The following SETX variants were observed in gnomAD, a reference collection of about 807,000 sequenced individuals.
The protein encoded by SETX is helicase senataxin.
Under a neutral mutation model 227.2 loss-of-function variants are expected in SETX, and 90 were observed. The observed-to-expected ratio is 0.40, with a 90% CI of 0.33 to 0.47. The LOEUF (loss-of-function observed/expected upper bound fraction) is 0.47, where lower values mean the gene tolerates loss of function less well. Among genes scored for constraint, SETX ranks in the 20% least tolerant of loss-of-function variants. The pLI, the probability that SETX is intolerant of heterozygous loss-of-function variation, is 0.91. For synonymous variants in SETX, 1,210 were observed against 1,113.2 expected, an observed-to-expected ratio of 1.09 and a Z score of -1.73; for missense variants, 3,052 against 3,181.5, an observed-to-expected ratio of 0.96 and a Z score of 0.98.
chr9:132,281,588 AG>A lies in SETX; in HGVS notation c.6547-15del, dbSNP rs780495472. ...AGACTGTCCAGCCTTGGTAAGATAC[AG>A]AAGAGAGAGGCAGTCTTAACAATCT... On this transcript the variant is annotated splice_polypyrimidine_tract_variant and intron_variant, in intron 19 of 25. Transcript: ENST00000224140. The A allele has an allele frequency of 3.4e-5, 52 of 1,545,882 alleles. 1 individual carries two copies. In the South Asian group the frequency reaches 5.1e-4, roughly 15 times the overall value.
chr9:132,349,998 G>C (rs779463528), intron 2 of SETX, among the ~76,000 whole-genome samples: 1 of 152,096 alleles, frequency 6.6e-6, no homozygotes, highest in African/African-American at 2.4e-5. Flanking sequence ...TCACAGGAGA[G>C]GCAGTTTTTA....
At position 132,331,429 on chromosome 9, in the gene SETX, G is replaced by A; in HGVS notation, c.858C>T (p.Phe286=). ...CCATAAAACAGTGTAACGCTGGCCA[G>A]AAAGGATCCACACTATCATCTGAAA... ...READDDSVDP[F]WPALHCFMVI... The change falls in exon 8 of 26, where the codon TTC becomes TTT. Residue 286 remains phenylalanine, a synonymous_variant. Transcript: ENST00000224140. 6.2e-7 allele frequency: 1 copy of A among 1,613,812 alleles called. No individual in the cohort carries two copies. Among genetic ancestry groups the A allele is most frequent in the Non-Finnish European group, 8.5e-7 (1 of 1,179,930 alleles).
chr9:132,343,860 G>A (rs1243896204), intron 4 of SETX, among the ~76,000 whole-genome samples: 1 of 151,994 alleles, frequency 6.6e-6, no homozygotes, highest in Non-Finnish European at 1.5e-5. Flanking sequence ...TGAATTTATT[G>A]GTTTAGACAA....
At chr9:132,301,955 CT>C (rs563539438) in intron 11 of SETX, among the ~76,000 whole-genome samples, 108 of 152,306 alleles carry the variant, frequency 7.1e-4, no homozygotes, top group African/African-American at 2.5e-3. Context: ...TGAAGACAGC[CT>C]GAACAAATGA....
intron 4 of SETX, among the ~76,000 whole-genome samples, chr9:132,344,148 T>C (rs1349342398): frequency 2.0e-5 from 3 of 152,214 alleles, no homozygotes; most frequent in Admixed American, 2.0e-4. Context: ...GTATTTTTGA[T>C]TCCACTTTGG....
chr9:132,304,421 G>C (rs1036561506), intron 11 of SETX, among the ~76,000 whole-genome samples: 1 of 151,912 alleles, frequency 6.6e-6, no homozygotes, highest in African/African-American at 2.4e-5. Flanking sequence ...TTGCAGAAAA[G>C]GGTGTCACTG....
chr9:132,302,660 CAAAA>C (rs35647306), intron 11 of SETX, among the ~76,000 whole-genome samples: 2 of 33,306 alleles, frequency 6.0e-5, no homozygotes, highest in African/African-American at 8.6e-5. Context: ...GACTTTGTCT[CAAAA>C]AAAAAAAAAA....
chr9:132,302,683 A>AAAAAAAAAAAAAAAAAAAAAAC (rs1845081955), intron 11 of SETX, among the ~76,000 whole-genome samples: 1 of 76,640 alleles, frequency 1.3e-5, no homozygotes, highest in African/African-American at 1.4e-4. Flanking sequence ...AAAAAAAGCA[A>AAAAAAAAAAAAAAAAAAAAAAC]AAAAAAAAAA....
Position 132,264,059 on chromosome 9 carries a change from T to A in SETX, c.*180A>T. ...GATACACAATGCCCTCTGAAAGCTT[T>A]TGCAAATGACAGAAAATACTGAAGA... On this transcript the variant is annotated 3_prime_UTR_variant, in exon 26 of 26. Transcript: ENST00000224140. 1.3e-6 allele frequency: 1 copy of A among 794,104 alleles called. No homozygotes were observed. Among genetic ancestry groups the A allele is most frequent in the Non-Finnish European group, 2.0e-6 (1 of 501,186 alleles). 49.2% of individuals were successfully genotyped at this position (794,104 alleles called of 1,614,324 possible).
At chr9:132,301,088 CTTTT>C (rs200657740) in intron 11 of SETX, among the ~76,000 whole-genome samples, 35 of 123,968 alleles carry the variant, frequency 2.8e-4, no homozygotes, top group African/African-American at 8.0e-4. Flanking sequence ...GTTTATTCTG[CTTTT>C]TTTTTTTTTT....
At position 132,326,436 on chromosome 9, in the gene SETX, G is replaced by T. The variant is rs770112562; in HGVS notation, c.5162C>A (p.Pro1721His). Residue 1721 changes from proline to histidine, a missense_variant, in exon 10 of 26, where the codon CCC becomes CAC. By Grantham distance (77) the Pro-to-His change is moderately conservative. Coordinates refer to ENST00000224140, the MANE Select transcript of SETX (RefSeq NM_015046.7). ...EMFLNFGQCG[P>H]PASLCQSISR... Reference sequence around the variant, plus strand: ...GATGGACTGACAAAGACTTGCAGGGGGCCCACACTGACCAAAGTTCAAAAA... The same window carrying T: ...GATGGACTGACAAAGACTTGCAGGGTGCCCACACTGACCAAAGTTCAAAAA... 1 of 1,614,004 alleles carries T rather than the reference G, an allele frequency of 6.2e-7. No homozygotes were observed. The highest frequency in any genetic ancestry group is 1.1e-5 in the South Asian group (1 of 91,074).
At chr9:132,309,307 T>C (rs1345341535) in intron 11 of SETX, among the ~76,000 whole-genome samples, 1 of 151,796 alleles carries the variant, frequency 6.6e-6, no homozygotes, top group Non-Finnish European at 1.5e-5. Context: ...TCCAGACGCA[T>C]GACAAACATA....
In SETX at chr9:132,327,117, T is replaced by C. The variant is rs768289137; in HGVS notation, c.4481A>G (p.Asp1494Gly). The change falls in exon 10 of 26, where the codon GAT (aspartate) becomes GGT (glycine). Residue 1494 changes from aspartate to glycine, a missense_variant. This residue lies in a region of SETX where 1,483 missense variants were observed against 1,312.0 expected (regional missense o/e 1.13). Transcript: ENST00000224140. ...ATCATTTTGGGTTAAAAATAAGTTA[T>C]CTTCCTCTGCATCACTGCTGGAGTC... is the stretch of plus-strand genomic sequence containing the variant. ...EPDSSSDAEEDNLFLTQNDPE... is the reference protein window; with the variant it reads ...EPDSSSDAEEGNLFLTQNDPE... 3.1e-6 allele frequency: 5 copies of C among 1,614,234 alleles called. No individual in the cohort carries two copies. Among genetic ancestry groups the C allele is most frequent in the Admixed American group, 1.7e-5 (1 of 60,024 alleles).
At chr9:132,307,721 C>T (rs1449597718) in intron 11 of SETX, among the ~76,000 whole-genome samples, 1 of 151,156 alleles carries the variant, frequency 6.6e-6, no homozygotes, top group Admixed American at 6.6e-5. Flanking sequence ...CTCTGTCTCC[C>T]AGGCTGGAGT....
rs1359406843 is a variant in SETX, at chr9:132,262,137, G to T, written c.*2102C>A. Reference sequence around the variant, plus strand: ...TCTACCATTAATTCTTGCAGAATCAGATCTGCTGAGTGGTGAACCAACAGG... The same window carrying T: ...TCTACCATTAATTCTTGCAGAATCATATCTGCTGAGTGGTGAACCAACAGG... On this transcript the variant is annotated 3_prime_UTR_variant, in exon 26 of 26. Coordinates refer to ENST00000224140, the MANE Select transcript of SETX (RefSeq NM_015046.7). 1 of 152,236 alleles carries T rather than the reference G, an allele frequency of 6.6e-6. No homozygotes were observed. The highest frequency in any genetic ancestry group is 1.5e-5 in the Non-Finnish European group (1 of 68,044). The allele number at this position is 152,236 out of a possible 1,614,324, so 9.4% of individuals were successfully genotyped here. A position where few individuals can be genotyped will look rare whatever the true frequency, so the allele number is the denominator to read the frequency against.
Position 132,326,513 on chromosome 9 carries a change from C to T in SETX, c.5085G>A (p.Gln1695=). 6.2e-7 allele frequency: 1 copy of T among 1,614,168 alleles called. No homozygotes were observed. Among genetic ancestry groups the T allele is most frequent in the Non-Finnish European group, 8.5e-7 (1 of 1,180,028 alleles). ...SSPVNILLSS[Q]SVSDTFVKEV... is the part of the protein sequence containing the mutation. ...CTTTAACGAAGGTGTCAGAGACAGA[C>T]TGTGATGACAAAAGAATGTTTACTG... The change falls in exon 10 of 26, where the codon CAG becomes CAA. Residue 1695 remains glutamine, a synonymous_variant. Coordinates refer to ENST00000224140, the MANE Select transcript of SETX (RefSeq NM_015046.7).
At chr9:132,304,738 C>T (rs1845221687) in intron 11 of SETX, among the ~76,000 whole-genome samples, 1 of 152,132 alleles carries the variant, frequency 6.6e-6, no homozygotes, top group Non-Finnish European at 1.5e-5. Flanking sequence ...TGGCTCGCGC[C>T]TGTAATTTAG....
intron 2 of SETX, among the ~76,000 whole-genome samples, chr9:132,349,745 G>T (rs1848507847): frequency 6.6e-6 from 1 of 152,112 alleles, no homozygotes; most frequent in South Asian, 2.1e-4. Flanking sequence ...TAGAGACCCA[G>T]ACTTACCAAT....
intron 6 of SETX, among the ~76,000 whole-genome samples, chr9:132,335,163 G>A (rs1847517327): frequency 6.6e-6 from 1 of 151,856 alleles, no homozygotes; most frequent in South Asian, 2.1e-4. Flanking sequence ...GGCCAAGGCG[G>A]GCAGATCACA....
Sources: gnomAD v4.1 joint callset for allele counts (sites outside exome capture counted in the v4.1 genomes callset) on GRCh38, gnomAD v4.1.1 for gene constraint, gnomAD v4.1.1 regional missense constraint, MANE v1.5 for transcripts, NCBI Gene and HGNC (gene_info 2026-07-23, HGNC 2026-07-21) for gene names.